BAZ2B: variants seen among roughly 807,000 people sequenced by gnomAD.
The protein encoded by BAZ2B is bromodomain adjacent to zinc finger domain 2B.
In BAZ2B, 91 loss-of-function variants were observed where a neutral mutation model predicts 246.0. The observed-to-expected ratio is 0.37, with a 90% CI of 0.31 to 0.44. BAZ2B has a LOEUF of 0.44. Among genes scored for constraint, BAZ2B ranks in the 20% least tolerant of loss-of-function variants. The pLI is 1.00. For synonymous variants in BAZ2B, 855 were observed against 860.0 expected, an observed-to-expected ratio of 0.99 and a Z score of 0.10; for missense variants, 2,332 against 2,533.7, an observed-to-expected ratio of 0.92 and a Z score of 1.71.
chr2:159,679,908 GCA>G, the BAZ2B span, among the ~76,000 whole-genome samples: 1 of 152,236 alleles, frequency 6.6e-6, no homozygotes, highest in Non-Finnish European at 1.5e-5. Context: ...AATGCTCAAT[GCA>G]CAGTTCTAGG....
At chr2:159,603,967 ATATAG>A (rs1692789069) in intron 1 of BAZ2B, among the ~76,000 whole-genome samples, 1 of 152,246 alleles carries the variant, frequency 6.6e-6, no homozygotes, top group African/African-American at 2.4e-5. Context: ...CTAATAATGC[ATATAG>A]TAGCCTGTGA....
intron 25 of BAZ2B, 64 bp downstream of exon 25, chr2:159,382,495 A>T: frequency 2.7e-6 from 4 of 1,473,870 alleles, no homozygotes; most frequent in Non-Finnish European, 3.6e-6. Flanking sequence ...CTGACTCCAA[A>T]TTCTGTTTTT....
chr2:159,359,519 C>T (rs1346598462), intron 27 of BAZ2B, among the ~76,000 whole-genome samples: 1 of 152,068 alleles, frequency 6.6e-6, no homozygotes, highest in African/African-American at 2.4e-5. Context: ...CCGAATTCTA[C>T]CAGAGGTACA....
At chr2:159,501,157 T>TATA (rs540013079) in intron 2 of BAZ2B, among the ~76,000 whole-genome samples, 8 of 93,454 alleles carry the variant, frequency 8.6e-5, no homozygotes, top group African/African-American at 2.6e-4. Context: ...ATAATATATA[T>TATA]AAATATATAA....
At chr2:159,608,357 A>G (rs1309531465) in intron 1 of BAZ2B, among the ~76,000 whole-genome samples, 1 of 152,260 alleles carries the variant, frequency 6.6e-6, no homozygotes, top group East Asian at 1.9e-4. Flanking sequence ...CCTGGACAAC[A>G]GAGTGAGACC....
chr2:159,610,834 C>T (rs558282633), intron 1 of BAZ2B, among the ~76,000 whole-genome samples: 2 of 152,112 alleles, frequency 1.3e-5, no homozygotes, highest in South Asian at 4.1e-4. Context: ...ACTATATTTT[C>T]ACCTCATATT....
At chr2:159,709,224 C>G in the BAZ2B span, among the ~76,000 whole-genome samples, 1 of 149,686 alleles carries the variant, frequency 6.7e-6, no homozygotes, top group East Asian at 2.0e-4. Context: ...GAGGCCGAGG[C>G]AGGCAGATCA....
chr2:159,368,776 T>C (rs3771695), intron 27 of BAZ2B, among the ~76,000 whole-genome samples: 122,392 of 150,224 alleles, frequency 0.81, 50,591 homozygotes, highest in Non-Finnish European at 0.9. Context: ...CAGAAATCAG[T>C]GTCCAGAGAG....
At chr2:159,391,630 T>G (rs879723802) in intron 20 of BAZ2B, among the ~76,000 whole-genome samples, 2 of 152,100 alleles carry the variant, frequency 1.3e-5, no homozygotes, top group Non-Finnish European at 2.9e-5. Context: ...ACATACTCAA[T>G]AGACACACGG....
the BAZ2B span, among the ~76,000 whole-genome samples, chr2:159,667,432 C>T: frequency 2.2e-4 from 33 of 151,798 alleles, no homozygotes; most frequent in African/African-American, 7.2e-4. Flanking sequence ...CTTGTCTCTA[C>T]TAAAAATGCA....
the BAZ2B span, among the ~76,000 whole-genome samples, chr2:159,633,738 CTTT>C: frequency 1.2e-4 from 14 of 120,242 alleles, no homozygotes; most frequent in Non-Finnish European, 1.8e-4. Context: ...TCACTTTATT[CTTT>C]TTTTTTTTTT....
chr2:159,422,412 A>G (rs948956589), intron 13 of BAZ2B, among the ~76,000 whole-genome samples: 2 of 152,224 alleles, frequency 1.3e-5, no homozygotes, highest in Non-Finnish European at 2.9e-5. Context: ...CCAATGGAAC[A>G]GGACAGAGAA....
At chr2:159,448,145 A>C (rs964959373) in intron 5 of BAZ2B, 97 bp downstream of exon 5, 4 of 1,401,800 alleles carry the variant, frequency 2.9e-6, no homozygotes, top group African/African-American at 3.0e-5. Flanking sequence ...ACAAACAAAC[A>C]AAAACAAAAA....
At chr2:159,331,608 C>T (rs997308844) in intron 34 of BAZ2B, among the ~76,000 whole-genome samples, 1 of 152,202 alleles carries the variant, frequency 6.6e-6, no homozygotes, top group Non-Finnish European at 1.5e-5. Context: ...ATCTCCTGGC[C>T]TCAAGTGATC....
At chr2:159,361,790 T>A (rs2059725789) in intron 27 of BAZ2B, among the ~76,000 whole-genome samples, 1 of 151,936 alleles carries the variant, frequency 6.6e-6, no homozygotes, top group Non-Finnish European at 1.5e-5. Flanking sequence ...AAAGGATGAG[T>A]TCATGTCCTT....
At chr2:159,325,278 A>C (rs2063550349) in intron 35 of BAZ2B, among the ~76,000 whole-genome samples, 1 of 148,722 alleles carries the variant, frequency 6.7e-6, no homozygotes, top group African/African-American at 2.5e-5. Context: ...TTATGGGTGC[A>C]CGCCACTATA....
At chr2:159,326,172 T>A (rs1388032657) in intron 34 of BAZ2B, among the ~76,000 whole-genome samples, 4 of 152,194 alleles carry the variant, frequency 2.6e-5, no homozygotes, top group African/African-American at 9.6e-5. Context: ...CTCATGGTAA[T>A]TCATCTACAG....
chr2:159,697,849 C>T, the BAZ2B span, among the ~76,000 whole-genome samples: 4 of 152,098 alleles, frequency 2.6e-5, no homozygotes, highest in African/African-American at 7.2e-5. Context: ...CTTGGAGGTA[C>T]AATAGTATTT....
In BAZ2B at chr2:159,431,086, A is replaced by C; in HGVS notation, c.1971T>G (p.Asp657Glu). Residue 657 changes from aspartate to glutamate, a missense_variant, in exon 10 of 37, where the codon GAT becomes GAG. Transcript: ENST00000392783. ...CTCCTTCAGTATCACTATCTGATTC[A>C]TCTTGGTCTTTATCATCATCATCTT... is the stretch of plus-strand genomic sequence containing the variant. Reference protein sequence around the residue: ...EEEDDDDKDQDESDSDTEGEK... With the variant: ...EEEDDDDKDQEESDSDTEGEK... 6.2e-7 allele frequency: 1 copy of C among 1,613,910 alleles called. No individual in the cohort carries two copies. The highest frequency in any genetic ancestry group is 8.5e-7 in the Non-Finnish European group (1 of 1,179,814).
Sources: gnomAD v4.1 joint callset for allele counts (sites outside exome capture counted in the v4.1 genomes callset) on GRCh38, gnomAD v4.1.1 for gene constraint, MANE v1.5 for transcripts, NCBI Gene and HGNC (gene_info 2026-07-23, HGNC 2026-07-21) for gene names.